The following POLR1E variants were observed in gnomAD, a reference collection of about 807,000 sequenced individuals.
The protein encoded by POLR1E is RNA polymerase I subunit E.
Under a neutral mutation model 50.9 loss-of-function variants are expected in POLR1E, and 37 were observed. That is an observed-to-expected ratio of 0.73 (90% CI 0.56 to 0.96). POLR1E has a LOEUF of 0.96. Among genes scored for constraint, POLR1E ranks in the 40% least tolerant of loss-of-function variants. POLR1E has a pLI of 0.00. For synonymous variants in POLR1E, 166 were observed against 191.6 expected (o/e 0.87, Z 1.10); for missense variants, 426 against 518.1 (o/e 0.82, Z 1.73).
Position 37,486,478 on chromosome 9 carries a change from A to G in POLR1E, c.77-225A>G, listed in dbSNP as rs748878203. The G allele has an allele frequency of 1.9e-6, 3 of 1,551,410 alleles. No individual in the cohort carries two copies. In the African/African-American group the frequency reaches 4.1e-5, roughly 21 times the overall value. On this transcript the variant is annotated intron_variant, in intron 1 of 11. Coordinates refer to ENST00000377798, the MANE Select transcript of POLR1E (RefSeq NM_022490.4). ...TCTGCTGTCAGCCTCCTTCCGCGAG[A>G]CATTCCCTCCTGTCACAGCCCCTCC...
At chr9:37,496,201 G>A (rs4878694) in intron 8 of POLR1E, among the ~76,000 whole-genome samples, 46,512 of 151,966 alleles carry the variant, frequency 0.31, 7,447 homozygotes, top group East Asian at 0.42. Context: ...TGGGACCTGC[G>A]ACAGGGCAGA....
Position 37,485,999 on chromosome 9 carries a change from T to C in POLR1E, c.-49T>C, listed in dbSNP as rs374830865. 4 of 1,572,124 alleles carry C rather than the reference T, an allele frequency of 2.5e-6. No individual in the cohort carries two copies. The highest frequency in any genetic ancestry group is 3.4e-6 in the Non-Finnish European group (4 of 1,159,696). ...GCTCCCGCGTGTTTAAAAGTGCGCT[T>C]GTGGCTGCTGCTGTCTTAACTCCTG... On this transcript the variant is annotated 5_prime_UTR_variant, in exon 1 of 12. Coordinates refer to ENST00000377798, the MANE Select transcript of POLR1E (RefSeq NM_022490.4).
At chr9:37,489,469 GT>G in intron 4 of POLR1E, 69 bp downstream of exon 4, 1 of 1,037,274 alleles carries the variant, frequency 9.6e-7, no homozygotes, top group Non-Finnish European at 1.4e-6. Context: ...GTTGGCTTGA[GT>G]TTTAGATTTA....
At chr9:37,502,830 T>C (rs1045290845) in intron 11 of POLR1E, among the ~76,000 whole-genome samples, 2 of 152,218 alleles carry the variant, frequency 1.3e-5, no homozygotes, top group Non-Finnish European at 1.5e-5. Context: ...ATGGATCTTT[T>C]GAAGGGCATT....
chr9:37,486,543 G>A lies in POLR1E; in HGVS notation c.77-160G>A, dbSNP rs896626499. On this transcript the variant is annotated intron_variant, in intron 1 of 11. Transcript: ENST00000377798. ...CCTCCCTACCTCCTCTTCTCAGCTG[G>A]CCCCGGATCTCCTCCAGTTCCCTTT... The A allele has an allele frequency of 2.5e-6, 4 of 1,578,258 alleles. No homozygotes were observed. The African/African-American group carries it at 4.1e-5, about 16-fold the overall frequency.
At chr9:37,496,061 C>A in intron 8 of POLR1E, 75 bp downstream of exon 8, 1 of 1,059,580 alleles carries the variant, frequency 9.4e-7, no homozygotes, top group Non-Finnish European at 1.5e-6. Context: ...CTGTGCAGGT[C>A]CTCTGGGCGT....
At chr9:37,499,605 C>T (rs566289935) in intron 9 of POLR1E, among the ~76,000 whole-genome samples, 1 of 152,168 alleles carries the variant, frequency 6.6e-6, no homozygotes, top group South Asian at 2.1e-4. Context: ...GATCTTGGCT[C>T]ACTACAACCT....
rs762424465 is a variant in POLR1E, at chr9:37,498,014, C to CG, written c.753-76dup. ...CGGGGTGAGAGGCGCCTGCTGTTCT[C>CG]GTTGTAAGAGGGAAGTAGTTCCTGA... On this transcript the variant is annotated intron_variant, in intron 8 of 11. Transcript: ENST00000377798. 5.4e-4 allele frequency: 818 copies of CG among 1,516,348 alleles called. 7 individuals carry two copies. The highest frequency in any genetic ancestry group is 1.8e-4 in the Admixed American group (9 of 48,726). 93.9% of individuals were successfully genotyped at this position (1,516,348 alleles called of 1,614,324 possible).
chr9:37,488,246 C>T (rs16934150), intron 3 of POLR1E, among the ~76,000 whole-genome samples: 7,405 of 152,222 alleles, frequency 0.049, 616 homozygotes, highest in African/African-American at 0.17. Flanking sequence ...TCAAAGCTTG[C>T]GTGAAGTTTA....
At position 37,485,963 on chromosome 9, in the gene POLR1E, G is replaced by T. The variant is rs1000123363; in HGVS notation, c.-85G>T. On this transcript the variant is annotated 5_prime_UTR_variant, in exon 1 of 12. Transcript: ENST00000377798. The stretch of plus-strand genomic sequence containing the variant: ...GGGGCCACGCCTTTTCCGGCCCGCA[G>T]CGCGGCCTGGGCTCCCGCGTGTTTA... 6.3e-5 allele frequency: 95 copies of T among 1,519,678 alleles called. 1 individual carries two copies. The Middle Eastern group carries it at 3.8e-3, about 60-fold the overall frequency. 94.1% of individuals were successfully genotyped at this position (1,519,678 alleles called of 1,614,324 possible).
At position 37,486,690 on chromosome 9, in the gene POLR1E, T is replaced by G. The variant is rs759895903; in HGVS notation, c.77-13T>G. ...TTCTGCTCTCATCTCATTCTTGGGC[T>G]GCACTCTTACAGTCCAGTTCTCCAA... On this transcript the variant is annotated splice_polypyrimidine_tract_variant and intron_variant, in intron 1 of 11. Transcript: ENST00000377798. 1.2e-6 allele frequency: 2 copies of G among 1,614,134 alleles called. No homozygotes were observed. The highest frequency in any genetic ancestry group is 8.5e-7 in the Non-Finnish European group (1 of 1,180,052).
At chr9:37,497,389 G>A (rs1820803354) in intron 8 of POLR1E, among the ~76,000 whole-genome samples, 1 of 152,028 alleles carries the variant, frequency 6.6e-6, no homozygotes, top group Admixed American at 6.6e-5. Context: ...AAAGAAACTT[G>A]CCTAAACCAT....
chr9:37,503,111 G>T lies in POLR1E; in HGVS notation c.1169G>T (p.Ser390Ile). The change falls in exon 12 of 12, where the codon AGT (serine) becomes ATT (isoleucine). Residue 390 changes from serine (S) to isoleucine (I), a missense_variant. Ser to Ile is a moderately radical substitution (Grantham distance 142). Coordinates refer to ENST00000377798, the MANE Select transcript of POLR1E (RefSeq NM_022490.4). ...AGAAGGGTGTCTGTGGCCGCCGGCA[G>T]TGAAGAAGATCACAAGCTGGGCACC... ...SKRRVSVAAG[S>I]EEDHKLGTLS... 6.2e-7 allele frequency: 1 copy of T among 1,614,126 alleles called. No individual in the cohort carries two copies.
At chr9:37,493,418 G>A (rs1820719830) in intron 5 of POLR1E, 141 bp from the exon 6 acceptor site, 1 of 591,214 alleles carries the variant, frequency 1.7e-6, no homozygotes, top group African/African-American at 1.9e-5. Flanking sequence ...GTCCTGTGAG[G>A]TAAATAGGTG....
intron 9 of POLR1E, 49 bp from the exon 10 acceptor site, chr9:37,500,791 G>T: frequency 6.8e-7 from 1 of 1,461,526 alleles, no homozygotes; most frequent in South Asian, 1.1e-5. Flanking sequence ...GTTGAGGTGT[G>T]GCCTGAGGGT....
chr9:37,491,445 T>A (rs1820682966), intron 4 of POLR1E, among the ~76,000 whole-genome samples: 1 of 151,460 alleles, frequency 6.6e-6, no homozygotes, highest in Non-Finnish European at 1.5e-5. Flanking sequence ...GGATTTTTTT[T>A]AATATGGGAT....
chr9:37,495,785 C>A, intron 7 of POLR1E, 105 bp from the exon 8 acceptor site: 1 of 791,776 alleles, frequency 1.3e-6, no homozygotes. Flanking sequence ...TGATCTTTGG[C>A]TCTCTGAGCC....
chr9:37,492,455 CTAATT>C, intron 4 of POLR1E, 197 bp from the exon 5 acceptor site: 3 of 844,286 alleles, frequency 3.6e-6, no homozygotes, highest in Non-Finnish European at 5.5e-6. Flanking sequence ...CTTGATTTGG[CTAATT>C]TATTTTCCAA....
Position 37,495,276 on chromosome 9 carries a change from C to T in POLR1E, c.655C>T (p.Leu219Phe), listed in dbSNP as rs559249622. Reference sequence around the variant, plus strand: ...TGAAGACGTGTATAAATTTGAAGATCGTATCCTTCTTGCAGTAGAAAAGCT... The same window carrying T: ...TGAAGACGTGTATAAATTTGAAGATTGTATCCTTCTTGCAGTAGAAAAGCT... ...KPEDVYKFED[L>F]LSPAEYEALQ... The change falls in exon 7 of 12, where the codon CTT (leucine) becomes TTT (phenylalanine). Residue 219 changes from leucine (L) to phenylalanine (F), a missense_variant and splice_region_variant. Coordinates refer to ENST00000377798, the MANE Select transcript of POLR1E (RefSeq NM_022490.4). 8 of 1,610,214 alleles carry T rather than the reference C, an allele frequency of 5.0e-6. No homozygotes were observed. Among genetic ancestry groups the T allele is most frequent in the East Asian group, 4.5e-5 (2 of 44,866 alleles).
Sources: gnomAD v4.1 joint callset for allele counts (sites outside exome capture counted in the v4.1 genomes callset) on GRCh38, gnomAD v4.1.1 for gene constraint, MANE v1.5 for transcripts, NCBI Gene and HGNC (gene_info 2026-07-23, HGNC 2026-07-21) for gene names.